Variants in SPTLC1 observed in about 807,000 individuals in gnomAD.
SPTLC1 encodes the protein serine palmitoyltransferase long chain base subunit 1.
SPTLC1 carries 55 observed loss-of-function variants against 68.9 expected under a neutral mutation model. That is an observed-to-expected ratio of 0.80 (90% CI 0.64 to 1.00). The LOEUF (loss-of-function observed/expected upper bound fraction) is 1.00. Among genes scored for constraint, SPTLC1 ranks in the 50% least tolerant of loss-of-function variants. SPTLC1 has a pLI of 0.00. For synonymous variants in SPTLC1, 197 were observed against 201.6 expected (o/e 0.98, Z 0.19); for missense variants, 449 against 573.1 (o/e 0.78, Z 2.21).
rs573935209 is a variant in SPTLC1 at position 92,104,499 on chromosome 9, C to G, written c.260+4241G>C. 2.8e-4 allele frequency: 395 copies of G among 1,410,070 alleles called. 2 individuals carry two copies. In the Middle Eastern group the frequency reaches 3.2e-3, roughly 11 times the overall value. The allele number at this position is 1,410,070 out of a possible 1,614,324, so 87.3% of individuals were successfully genotyped here. On this transcript the variant is annotated intron_variant, in intron 3 of 14. Transcript: ENST00000262554. ...TGCCTCCTGTGGTCTGGAGCCCCCC[C>G]CTCAAGGAAGAAACCCGTGCTGTCT...
chr9:92,041,464 T>C (rs550567934), intron 12 of SPTLC1, among the ~76,000 whole-genome samples: 30 of 151,966 alleles, frequency 2.0e-4, no homozygotes, highest in African/African-American at 7.3e-4. Flanking sequence ...GTTAAAATAA[T>C]ATAGATATAT....
At chr9:92,083,602 C>A (rs1350114608) in intron 3 of SPTLC1, among the ~76,000 whole-genome samples, 1 of 152,140 alleles carries the variant, frequency 6.6e-6, no homozygotes, top group Non-Finnish European at 1.5e-5. Context: ...TGATCTATAT[C>A]TCTGTTTTAG....
rs146548058 is a variant in SPTLC1 at position 92,068,075 on chromosome 9, G to T, written c.451C>A (p.Arg151Ser). Reference protein sequence around the residue: ...TFDVHLDLEDRLAKFMKTEEA... With the variant: ...TFDVHLDLEDSLAKFMKTEEA... ...TCTGTCTTCATAAATTTTGCCAGGC[G>T]GTCTTCCAAATCCAAATGAACATCT... The change falls in exon 6 of 15, where the codon CGC becomes AGC. Residue 151 changes from arginine to serine, a missense_variant. Around this residue, in one of 3 missense-constraint regions of SPTLC1, gnomAD observed 391 missense variants for 472.1 expected, o/e 0.83. Transcript: ENST00000262554. The T allele has an allele frequency of 1.2e-6, 2 of 1,613,666 alleles. No individual in the cohort carries two copies. Among genetic ancestry groups the T allele is most frequent in the African/African-American group, 2.7e-5 (2 of 74,850 alleles).
chr9:92,104,569 C>G, intron 3 of SPTLC1: 1 of 1,479,616 alleles, frequency 6.8e-7, no homozygotes, highest in South Asian at 1.2e-5. Flanking sequence ...CCGTGAGGAT[C>G]TCTTGTCTCA....
At chr9:92,052,364 T>C (rs1017536494) in intron 8 of SPTLC1, among the ~76,000 whole-genome samples, 1 of 152,146 alleles carries the variant, frequency 6.6e-6, no homozygotes, top group Admixed American at 6.5e-5. Flanking sequence ...CAGGCAAAAC[T>C]GGATAACCAC....
At chr9:92,036,410 CTT>C in intron 13 of SPTLC1, among the ~76,000 whole-genome samples, 1 of 152,342 alleles carries the variant, frequency 6.6e-6, no homozygotes, top group Admixed American at 6.5e-5. Context: ...AGTAGTAAGA[CTT>C]TAGCTGTTGC....
At chr9:92,078,986 G>A (rs970469441) in intron 5 of SPTLC1, 8 of 907,466 alleles carry the variant, frequency 8.8e-6, no homozygotes, top group African/African-American at 7.2e-5. Flanking sequence ...GATGGAAGAT[G>A]GAAGATATTT....
chr9:92,034,069 G>C (rs1005670600), intron 14 of SPTLC1, among the ~76,000 whole-genome samples: 1 of 152,162 alleles, frequency 6.6e-6, no homozygotes. Context: ...TGAAAACCCT[G>C]AGCAAAGCAC....
At chr9:92,094,225 A>C (rs1390049710) in intron 3 of SPTLC1, among the ~76,000 whole-genome samples, 1 of 152,234 alleles carries the variant, frequency 6.6e-6, no homozygotes, top group Non-Finnish European at 1.5e-5. Context: ...AAGTTAACAG[A>C]CGGGTGATAG....
At chr9:92,048,245 A>T (rs1833587488) in intron 9 of SPTLC1, among the ~76,000 whole-genome samples, 1 of 152,162 alleles carries the variant, frequency 6.6e-6, no homozygotes, top group African/African-American at 2.4e-5. Flanking sequence ...AAAATGACCT[A>T]ATGGGCTTTG....
chr9:92,049,955 C>G lies in SPTLC1; in HGVS notation c.888+5G>C, dbSNP rs760514210. On this transcript the variant is annotated splice_donor_5th_base_variant and intron_variant, in intron 9 of 14. Coordinates refer to ENST00000262554, the MANE Select transcript of SPTLC1 (RefSeq NM_006415.4). Reference sequence around the variant, plus strand: ...GGGAAACGTTCTTAAAAAAGGGGAACTTACATTGATTCCATAGTGTTCAGT... The same window carrying G: ...GGGAAACGTTCTTAAAAAAGGGGAAGTTACATTGATTCCATAGTGTTCAGT... 6 of 1,587,600 alleles carry G rather than the reference C, an allele frequency of 3.8e-6. No homozygotes were observed. Among genetic ancestry groups the G allele is most frequent in the Non-Finnish European group, 5.2e-6 (6 of 1,156,576 alleles).
At chr9:92,071,426 T>A (rs1834486266) in intron 5 of SPTLC1, among the ~76,000 whole-genome samples, 1 of 151,954 alleles carries the variant, frequency 6.6e-6, no homozygotes, top group South Asian at 2.1e-4. Context: ...CACACAAAAA[T>A]ATCCCTAGAG....
chr9:92,108,363 T>C (rs989944268), intron 3 of SPTLC1: 6 of 220,178 alleles, frequency 2.7e-5, no homozygotes, highest in Admixed American at 5.2e-5. Flanking sequence ...AATCAACAAA[T>C]GGTAGTTAAG....
chr9:92,040,148 T>A (rs1833291118), intron 12 of SPTLC1, among the ~76,000 whole-genome samples: 1 of 151,894 alleles, frequency 6.6e-6, no homozygotes. Flanking sequence ...GGCAGGTAGA[T>A]CACCTGAGGT....
intron 6 of SPTLC1, among the ~76,000 whole-genome samples, chr9:92,064,681 T>A (rs1339940599): frequency 6.6e-6 from 1 of 152,206 alleles, no homozygotes; most frequent in Non-Finnish European, 1.5e-5. Context: ...TTTTTTTTTA[T>A]AACAGCACAA....
At position 92,031,922 on chromosome 9, in the gene SPTLC1, A is replaced by G. The variant is rs1362096488; in HGVS notation, c.*543T>C. ...AATGCAAAGTTTATAATAATCACAC[A>G]AAAAGTGTTCCTTTTAGCCACCATT... is the stretch of plus-strand genomic sequence containing the variant. On this transcript the variant is annotated 3_prime_UTR_variant, in exon 15 of 15. Transcript: ENST00000262554. The G allele has an allele frequency of 9.8e-6, 2 of 204,704 alleles. No individual in the cohort carries two copies. The highest frequency in any genetic ancestry group is 2.3e-4 in the East Asian group (2 of 8,638). The allele number at this position is 204,704 out of a possible 1,614,324, so 12.7% of individuals were successfully genotyped here.
At chr9:92,034,968 G>A (rs138786192) in intron 13 of SPTLC1, 85 bp from the exon 14 acceptor site, 175 of 1,092,932 alleles carry the variant, frequency 1.6e-4, no homozygotes, top group Admixed American at 1.4e-3. Context: ...ATCCTGCAAC[G>A]GTAGCTTTAA....
intron 3 of SPTLC1, among the ~76,000 whole-genome samples, chr9:92,101,625 T>A: frequency 1.6e-5 from 2 of 122,458 alleles, no homozygotes; most frequent in Non-Finnish European, 1.8e-5. Context: ...ACCTTAGGAA[T>A]GAAGAATTGA....
chr9:92,055,169 T>G (rs2118507171), intron 8 of SPTLC1: 176 of 928,946 alleles, frequency 1.9e-4, no homozygotes, highest in Non-Finnish European at 2.1e-4. Context: ...AAGGCTGCAG[T>G]GAGCTGTGTT....
Sources: allele counts gnomAD v4.1 joint callset (sites outside exome capture counted in the v4.1 genomes callset), GRCh38; gene constraint gnomAD v4.1.1; regional missense constraint gnomAD v4.1.1; transcripts MANE v1.5; gene names NCBI Gene and HGNC (gene_info 2026-07-23, HGNC 2026-07-21).